The following IQCH variants were observed in gnomAD, a reference collection of about 807,000 sequenced individuals.
IQCH encodes IQ motif containing H.
IQCH carries 98 observed loss-of-function variants against 117.0 expected under a neutral mutation model. That is an observed-to-expected ratio of 0.84 (90% CI 0.71 to 0.99). IQCH has a LOEUF of 0.99. IQCH is among the 50% of genes least tolerant of loss of function. The pLI is 0.00. For missense variants in IQCH, 1,102 were observed against 1,243.8 expected, an observed-to-expected ratio of 0.89 and a Z score of 1.72; for synonymous variants, 412 against 448.2, an observed-to-expected ratio of 0.92 and a Z score of 1.02.
intron 6 of IQCH, among the ~76,000 whole-genome samples, chr15:67,347,833 A>T (rs1171341755): frequency 9.0e-6 from 1 of 111,580 alleles, no homozygotes; most frequent in Non-Finnish European, 2.1e-5. Context: ...TTATATATAG[A>T]TATATAGATA....
intron 4 of IQCH, chr15:67,307,321 A>C (rs1365404506): frequency 3.8e-6 from 1 of 261,306 alleles, no homozygotes; most frequent in Non-Finnish European, 5.9e-6. Flanking sequence ...CCACTAACTT[A>C]GTTGGGTAGC....
In IQCH at chr15:67,421,419, A is replaced by G; in HGVS notation, c.2347A>G (p.Ile783Val). ...GDQLHAESPFISSGTTVPQTS... is the reference protein window; with the variant it reads ...GDQLHAESPFVSSGTTVPQTS... ...CCAGCTTCATGCTGAAAGCCCCTTC[A>G]TCTCCTCTGGTACCACCGTGCCTCA... Residue 783 changes from isoleucine (I) to valine (V), a missense_variant, in exon 16 of 21, where the codon ATC becomes GTC. Transcript: ENST00000335894. 2 of 1,614,178 alleles carry G rather than the reference A, an allele frequency of 1.2e-6. No individual in the cohort carries two copies. The highest frequency in any genetic ancestry group is 1.7e-6 in the Non-Finnish European group (2 of 1,180,018).
chr15:67,384,952 G>T lies in IQCH; in HGVS notation c.1389G>T (p.Val463=). The change falls in exon 11 of 21, where the codon GTG becomes GTT. Residue 463 remains valine (V), a synonymous_variant. Transcript: ENST00000335894. This position sits in a 1 kb window ranked among gnomAD's most constrained non-coding sequence, Gnocchi z 4.3. The stretch of plus-strand genomic sequence containing the variant: ...GCCTTTTAGGGTATTCCCAGCCTGT[G>T]AGAGAACATATTGCCGATTTCAACA... ...HIPSLGYSQP[V]REHIADFNTQ... is the part of the protein sequence containing the mutation. 6.2e-7 allele frequency: 1 copy of T among 1,611,476 alleles called. No individual in the cohort carries two copies. Among genetic ancestry groups the T allele is most frequent in the South Asian group, 1.1e-5 (1 of 90,954 alleles).
At chr15:67,318,850 T>C (rs1234419455) in intron 4 of IQCH, among the ~76,000 whole-genome samples, 2 of 152,142 alleles carry the variant, frequency 1.3e-5, no homozygotes, top group African/African-American at 4.8e-5. Context: ...GGAAGAAAAT[T>C]AGATTAAATC....
chr15:67,307,501 G>T (rs972719903), intron 4 of IQCH, among the ~76,000 whole-genome samples: 3 of 151,768 alleles, frequency 2.0e-5, no homozygotes, highest in Non-Finnish European at 4.4e-5. Context: ...GTAAGGGGTG[G>T]GGTGGGGGTG....
chr15:67,342,855 T>A lies in IQCH; in HGVS notation c.509-1208T>A, dbSNP rs979591796. Among the ~76,000 whole-genome samples, 4 of 152,114 alleles carry A rather than the reference T, an allele frequency of 2.6e-5. No individual in the cohort carries two copies. Among genetic ancestry groups the A allele is most frequent in the Non-Finnish European group, 5.9e-5 (4 of 68,028 alleles). ...GTTCTCTAACTTCAGCGCACATGAA[T>A]ATCTCCTGGAGCCTTCAATAATGCA... On this transcript the variant is annotated intron_variant, in intron 5 of 20. Transcript: ENST00000335894. The surrounding 1 kb of genome is among the most constrained non-coding windows in gnomAD (Gnocchi z 4.7).
intron 18 of IQCH, among the ~76,000 whole-genome samples, chr15:67,489,514 C>T (rs1438076732): frequency 1.3e-4 from 1 of 7,624 alleles, no homozygotes; most frequent in South Asian, 2.7e-3. Context: ...CCAGGCTGGC[C>T]TCCTGGGCTC....
At chr15:67,307,367 T>C (rs1373654) in intron 4 of IQCH, 2,277 of 162,842 alleles carry the variant, frequency 0.014, 53 homozygotes, top group African/African-American at 0.048. Context: ...CATTCTTTAC[T>C]GTTTCACTTG....
chr15:67,378,262 A>G (rs1441218231), intron 10 of IQCH, among the ~76,000 whole-genome samples: 2 of 151,850 alleles, frequency 1.3e-5, no homozygotes, highest in Non-Finnish European at 2.9e-5. Context: ...TGCTTTCTCT[A>G]CTATGAGCTG....
chr15:67,289,048 C>T (rs986987058), intron 4 of IQCH, among the ~76,000 whole-genome samples: 1 of 151,974 alleles, frequency 6.6e-6, no homozygotes, highest in Non-Finnish European at 1.5e-5. Flanking sequence ...GGGGGGAACC[C>T]AATGAGTTCC....
In IQCH at chr15:67,261,408, T is replaced by C. The variant is rs774777406; in HGVS notation, c.174+14T>C. 17 of 1,572,316 alleles carry C rather than the reference T, an allele frequency of 1.1e-5. No homozygotes were observed. The highest frequency in any genetic ancestry group is 1.4e-5 in the African/African-American group (1 of 72,042). On this transcript the variant is annotated intron_variant, in intron 2 of 20. Transcript: ENST00000335894. The stretch of plus-strand genomic sequence containing the variant: ...GTGGGGTTAAGAGTAAGTAGAGCTT[T>C]AGATATTAAAATACTGGAAGGAGAC...
intron 16 of IQCH, among the ~76,000 whole-genome samples, chr15:67,450,580 A>C (rs1049375329): frequency 1.3e-5 from 2 of 152,124 alleles, no homozygotes; most frequent in Non-Finnish European, 2.9e-5. Flanking sequence ...AGCCCACTTG[A>C]TCATGGTGGA....
Position 67,436,834 on chromosome 15 carries a change from C to G in IQCH, c.2505+15257C>G, listed in dbSNP as rs984354795. ...CTCAGCAGAGGCAGCCATAATCCTC[C>G]TAGGTACACAACTCCAGTGACCTGG... On this transcript the variant is annotated intron_variant, in intron 16 of 20. Transcript: ENST00000335894. The surrounding 1 kb of genome is among the most constrained non-coding windows in gnomAD (Gnocchi z 5.1). 6.6e-6 allele frequency among the ~76,000 whole-genome samples: 1 copy of G among 152,084 alleles called. No individual in the cohort carries two copies. Among genetic ancestry groups the G allele is most frequent in the African/African-American group, 2.4e-5 (1 of 41,400 alleles).
In IQCH at chr15:67,432,308, C is replaced by T. The variant is rs2082037243; in HGVS notation, c.2505+10731C>T. On this transcript the variant is annotated intron_variant, in intron 16 of 20. Coordinates refer to ENST00000335894, the MANE Select transcript of IQCH (RefSeq NM_001031715.3). This position sits in a 1 kb window ranked among gnomAD's most constrained non-coding sequence, Gnocchi z 5.0. ...AAAATGGAGGCCCTGATATATACCG[C>T]AGTATATCCCATAAAGTCTGAAAAC... 6.6e-6 allele frequency among the ~76,000 whole-genome samples: 1 copy of T among 152,034 alleles called. No homozygotes were observed. Among genetic ancestry groups the T allele is most frequent in the Non-Finnish European group, 1.5e-5 (1 of 68,012 alleles).
At chr15:67,271,844 T>C (rs1374946894) in intron 3 of IQCH, among the ~76,000 whole-genome samples, 1 of 152,122 alleles carries the variant, frequency 6.6e-6, no homozygotes, top group East Asian at 1.9e-4. Context: ...GGTTTGTTGA[T>C]TGTCTTTATC....
intron 4 of IQCH, among the ~76,000 whole-genome samples, chr15:67,290,168 T>G (rs1386336681): frequency 1.3e-5 from 2 of 152,084 alleles, no homozygotes; most frequent in Non-Finnish European, 1.5e-5. Flanking sequence ...CCCTGAAAGT[T>G]AAACACCTTC....
chr15:67,313,659 A>C (rs1176298056), intron 4 of IQCH, among the ~76,000 whole-genome samples: 2 of 152,188 alleles, frequency 1.3e-5, no homozygotes, highest in African/African-American at 4.8e-5. Context: ...AGTTGTAGAA[A>C]CCAAAAGATG....
rs2083963379 is a variant in IQCH at position 67,500,892 on chromosome 15, T to C, written c.*146T>C. The C allele has an allele frequency of 4.6e-6, 2 of 433,230 alleles. No homozygotes were observed. Among genetic ancestry groups the C allele is most frequent in the Admixed American group, 8.3e-5 (2 of 24,096 alleles). The allele number at this position is 433,230 out of a possible 1,614,324, so 26.8% of individuals were successfully genotyped here. On this transcript the variant is annotated 3_prime_UTR_variant, in exon 21 of 21. Coordinates refer to ENST00000335894, the MANE Select transcript of IQCH (RefSeq NM_001031715.3). This position sits in a 1 kb window ranked among gnomAD's most constrained non-coding sequence, Gnocchi z 4.4. ...AGAACAGATTATAATGAAATGCTCT[T>C]TTTAAAACATTGTTTATTAAGTGAT...
rs199754249 is a variant in IQCH at position 67,279,507 on chromosome 15, G to C, written c.382G>C (p.Ala128Pro). 10 of 1,573,594 alleles carry C rather than the reference G, an allele frequency of 6.4e-6. No homozygotes were observed. In the African/African-American group the frequency reaches 1.1e-4, roughly 17 times the overall value. ...HSSSLPVFPRAKIKVSKLIKG... is the reference protein window; with the variant it reads ...HSSSLPVFPRPKIKVSKLIKG... ...TTCATCTCTGCCTGTCTTTCCAAGA[G>C]CAAAGGTAGGTATAGAGAAATTCAT... Residue 128 changes from alanine to proline, a missense_variant, in exon 4 of 21, where the codon GCA becomes CCA. Around this residue, in one of 2 missense-constraint regions of IQCH, gnomAD observed 452 missense variants for 449.6 expected, o/e 1.01. Coordinates refer to ENST00000335894, the MANE Select transcript of IQCH (RefSeq NM_001031715.3).
Sources: gnomAD v4.1 joint callset for allele counts (sites outside exome capture counted in the v4.1 genomes callset) on GRCh38, gnomAD v4.1.1 for gene constraint, gnomAD v4.1.1 regional missense constraint, Gnocchi (gnomAD v3.1) non-coding constraint, MANE v1.5 for transcripts, NCBI Gene and HGNC (gene_info 2026-07-23, HGNC 2026-07-21) for gene names.